The following ADCY2 variants were observed in gnomAD, a reference collection of about 807,000 sequenced individuals.
ADCY2 encodes adenylate cyclase type 2.
ADCY2 carries 31 observed loss-of-function variants against 125.2 expected under a neutral mutation model. That is an observed-to-expected ratio of 0.25 (90% CI 0.19 to 0.33). The LOEUF (loss-of-function observed/expected upper bound fraction) is 0.33, where lower values mean the gene tolerates loss of function less well. ADCY2 is among the 10% of genes least tolerant of loss of function. The probability of loss-of-function intolerance (pLI) is 1.00; values close to 1 mark genes in which losing one functional copy is unlikely to be tolerated. For missense variants in ADCY2, 904 were observed against 1,418.2 expected (o/e 0.64, Z 5.82); for synonymous variants, 512 against 548.4 (o/e 0.93, Z 0.93).
chr5:7,795,148 C>G (rs1288663231), intron 20 of ADCY2: 1 of 152,198 alleles, frequency 6.6e-6, no homozygotes, highest in Non-Finnish European at 1.5e-5. Context: ...AGCATCTGTC[C>G]CAGCCCTGGC....
intron 12 of ADCY2, among the ~76,000 whole-genome samples, chr5:7,722,113 AAAGGGAGGC>A (rs1741779411): frequency 1.3e-5 from 2 of 152,194 alleles, no homozygotes; most frequent in Non-Finnish European, 2.9e-5. Flanking sequence ...GTGCTTTGGC[AAAGGGAGGC>A]AAGTGTGTCC....
At chr5:7,490,035 AG>A (rs143119454) in intron 2 of ADCY2, among the ~76,000 whole-genome samples, 2,159 of 152,190 alleles carry the variant, frequency 0.014, 60 homozygotes, top group African/African-American at 0.05. Flanking sequence ...AAAGACTCTA[AG>A]GAATGTAGTG....
intron 23 of ADCY2, among the ~76,000 whole-genome samples, chr5:7,818,303 A>C (rs182379811): frequency 6.7e-6 from 1 of 148,932 alleles, no homozygotes; most frequent in African/African-American, 2.5e-5. Context: ...GTGTTTCTCC[A>C]CTTGTACTAT....
rs200597047 is a variant in ADCY2, at chr5:7,816,847, T to C, written c.2884-19T>C. 8 of 1,602,188 alleles carry C rather than the reference T, an allele frequency of 5.0e-6. No individual in the cohort carries two copies. In the East Asian group the frequency reaches 1.8e-4, roughly 36 times the overall value. The stretch of plus-strand genomic sequence containing the variant: ...TGTGATGCTCTAACTTCCATCTGCC[T>C]GTGTGTGTTTGTTCTCAGGAGCCCG... On this transcript the variant is annotated intron_variant, in intron 22 of 24. Transcript: ENST00000338316.
At chr5:7,413,400 TTC>T (rs1185592707) in intron 1 of ADCY2, among the ~76,000 whole-genome samples, 2 of 151,960 alleles carry the variant, frequency 1.3e-5, no homozygotes, top group African/African-American at 2.4e-5. Flanking sequence ...GTTCACGCCA[TTC>T]TCTGTCTCAG....
intron 3 of ADCY2, among the ~76,000 whole-genome samples, chr5:7,553,812 C>T (rs1735418833): frequency 1.3e-5 from 2 of 152,200 alleles, no homozygotes; most frequent in African/African-American, 4.8e-5. Context: ...GCACCCAATC[C>T]TCTGATTCAA....
rs76671719 is a variant in ADCY2 at position 7,634,152 on chromosome 5, G to T, written c.720+7836G>T. Among the ~76,000 whole-genome samples, 243 of 152,186 alleles carry T rather than the reference G, an allele frequency of 1.6e-3. 1 individual carries two copies. The highest frequency in any genetic ancestry group is 5.0e-3 in the South Asian group (24 of 4,808). ...AAGGCATTTTGAACTTACTTTCATG[G>T]GGCTGACTTCAAAATGTTAAAGTTA... On this transcript the variant is annotated intron_variant, in intron 4 of 24. Coordinates refer to ENST00000338316, the MANE Select transcript of ADCY2 (RefSeq NM_020546.3).
At chr5:7,506,709 G>C (rs368879688) in intron 2 of ADCY2, among the ~76,000 whole-genome samples, 2 of 144,672 alleles carry the variant, frequency 1.4e-5, no homozygotes, top group Non-Finnish European at 3.0e-5. Flanking sequence ...GCAGTGTATT[G>C]TATAATTTGA....
intron 3 of ADCY2, among the ~76,000 whole-genome samples, chr5:7,601,164 G>A (rs913886041): frequency 6.6e-6 from 1 of 152,296 alleles, no homozygotes; most frequent in Middle Eastern, 3.4e-3. Flanking sequence ...ACGGAGCCAC[G>A]TGGTCAAAGC....
chr5:7,450,182 T>C (rs1741421506), intron 2 of ADCY2, among the ~76,000 whole-genome samples: 1 of 152,242 alleles, frequency 6.6e-6, no homozygotes, highest in Admixed American at 6.5e-5. Context: ...GAGGAAGGTA[T>C]GTCTTAAGTC....
At chr5:7,554,543 A>G (rs780682106) in intron 3 of ADCY2, among the ~76,000 whole-genome samples, 3 of 152,182 alleles carry the variant, frequency 2.0e-5, no homozygotes, top group Non-Finnish European at 2.9e-5. Context: ...TTAAAAAAAT[A>G]TATGTACTAA....
intron 3 of ADCY2, among the ~76,000 whole-genome samples, chr5:7,565,911 A>G (rs552422340): frequency 1.8e-4 from 28 of 152,200 alleles, no homozygotes; most frequent in Non-Finnish European, 2.9e-4. Flanking sequence ...TTTCCATTTA[A>G]CATCTAATAG....
chr5:7,561,555 A>G (rs1199086082), intron 3 of ADCY2, among the ~76,000 whole-genome samples: 1 of 152,218 alleles, frequency 6.6e-6, no homozygotes, highest in South Asian at 2.1e-4. Context: ...ATGGCCGTAT[A>G]AAATGTGAAC....
In ADCY2 at chr5:7,417,520, A is replaced by T. The variant is rs144943433; in HGVS notation, c.408+2750A>T. Among the ~76,000 whole-genome samples, 776 of 152,300 alleles carry T rather than the reference A, an allele frequency of 5.1e-3. 8 individuals carry two copies. Among genetic ancestry groups the T allele is most frequent in the Middle Eastern group, 0.021 (6 of 292 alleles). ...CAGGACAGAGTGTAAGTGGCATCAG[A>T]TGTTTAACTTGATGGGAACATGGAA... is the stretch of plus-strand genomic sequence containing the variant. On this transcript the variant is annotated intron_variant, in intron 2 of 24. Coordinates refer to ENST00000338316, the MANE Select transcript of ADCY2 (RefSeq NM_020546.3).
chr5:7,690,648 G>C, intron 4 of ADCY2, 43 bp from the exon 5 acceptor site: 1 of 1,465,142 alleles, frequency 6.8e-7, no homozygotes, highest in Non-Finnish European at 9.0e-7. Context: ...CATCCCCCGA[G>C]GTGTCTGAGA....
intron 12 of ADCY2, among the ~76,000 whole-genome samples, chr5:7,722,669 ATG>A (rs1741797262): frequency 1.3e-5 from 2 of 152,250 alleles, no homozygotes; most frequent in African/African-American, 2.4e-5. Context: ...ATAAAAAAGA[ATG>A]AGATCTGCCA....
At chr5:7,791,051 TG>T (rs1457427912) in intron 20 of ADCY2, among the ~76,000 whole-genome samples, 18 of 137,476 alleles carry the variant, frequency 1.3e-4, no homozygotes, top group East Asian at 4.5e-4. Flanking sequence ...AGTTTTTTTT[TG>T]GGGGGGTGTC....
intron 13 of ADCY2, among the ~76,000 whole-genome samples, chr5:7,724,858 G>A (rs1741885860): frequency 6.6e-6 from 1 of 152,062 alleles, no homozygotes; most frequent in African/African-American, 2.4e-5. Context: ...TATCTGCAAT[G>A]TGTGCGAAAT....
chr5:7,731,033 T>C (rs1294210680), intron 14 of ADCY2, among the ~76,000 whole-genome samples: 2 of 152,126 alleles, frequency 1.3e-5, no homozygotes, highest in Non-Finnish European at 2.9e-5. Flanking sequence ...GCATATTGTG[T>C]TCTCATCCTG....
Sources: allele counts gnomAD v4.1 joint callset (sites outside exome capture counted in the v4.1 genomes callset), GRCh38; gene constraint gnomAD v4.1.1; transcripts MANE v1.5; gene names NCBI Gene and HGNC (gene_info 2026-07-23, HGNC 2026-07-21).